SIDT2: variants seen among roughly 807,000 people sequenced by gnomAD.
The protein encoded by SIDT2 is SID1 transmembrane family member 2.
SIDT2 carries 68 observed loss-of-function variants against 114.4 expected under a neutral mutation model. The observed-to-expected ratio is 0.59, with a 90% CI of 0.49 to 0.73. SIDT2 has a LOEUF of 0.73. Ranked by LOEUF, SIDT2 falls within the 30% of genes least tolerant of loss-of-function variation. The pLI is 0.00. For synonymous variants in SIDT2, 470 were observed against 438.4 expected, an observed-to-expected ratio of 1.07 and a Z score of -0.90; for missense variants, 918 against 1,097.1, an observed-to-expected ratio of 0.84 and a Z score of 2.31.
In SIDT2 at chr11:117,192,063, C is replaced by T. The variant is rs370159292; in HGVS notation, c.1872+49C>T. 1.1e-5 allele frequency: 18 copies of T among 1,610,308 alleles called. No individual in the cohort carries two copies. The highest frequency in any genetic ancestry group is 5.3e-5 in the African/African-American group (4 of 74,810). On this transcript the variant is annotated intron_variant, in intron 19 of 25. Coordinates refer to ENST00000324225, the MANE Select transcript of SIDT2 (RefSeq NM_001040455.2). The surrounding 1 kb of genome is among the most constrained non-coding windows in gnomAD (Gnocchi z 5.9). Reference sequence around the variant, plus strand: ...CAGCCTGTATGATAGGAAAGGTGCACGTGCGTTCAGACACGTAGTGCACAC... The same window carrying T: ...CAGCCTGTATGATAGGAAAGGTGCATGTGCGTTCAGACACGTAGTGCACAC...
chr11:117,182,826 A>G lies in SIDT2; in HGVS notation c.702+20A>G, dbSNP rs528517514. The G allele has an allele frequency of 6.2e-7, 1 of 1,609,828 alleles. No homozygotes were observed. Among genetic ancestry groups the G allele is most frequent in the South Asian group, 1.1e-5 (1 of 90,442 alleles). ...GTACAGGTAGGAAATGCATGTGGCC[A>G]CGTGGGAGGTGTGGCTGGGCGATAA... On this transcript the variant is annotated intron_variant, in intron 6 of 25. Coordinates refer to ENST00000324225, the MANE Select transcript of SIDT2 (RefSeq NM_001040455.2).
At chr11:117,184,013 T>A in intron 7 of SIDT2, 61 bp from the exon 8 acceptor site, 2 of 1,590,554 alleles carry the variant, frequency 1.3e-6, no homozygotes, top group Non-Finnish European at 1.7e-6. Flanking sequence ...AAAGGCCTGA[T>A]CCCACTGACT....
Position 117,182,587 on chromosome 11 carries a change from C to G in SIDT2, c.585C>G (p.Phe195Leu). 6.2e-7 allele frequency: 1 copy of G among 1,614,272 alleles called. No individual in the cohort carries two copies. The highest frequency in any genetic ancestry group is 8.5e-7 in the Non-Finnish European group (1 of 1,180,052). Residue 195 changes from phenylalanine to leucine, a missense_variant, in exon 5 of 26, where the codon TTC becomes TTG. Around this residue, in one of 4 missense-constraint regions of SIDT2, gnomAD observed 553 missense variants for 600.1 expected, o/e 0.92. Transcript: ENST00000324225. The part of the protein sequence containing the change: ...VIVKVTSNKA[F>L]PCSVISIQDV... Reference sequence around the variant, plus strand: ...TCAAGGTGACCTCCAACAAGGCCTTCCCCTGCTCAGTCATCTCCATTCAGG... The same window carrying G: ...TCAAGGTGACCTCCAACAAGGCCTTGCCCTGCTCAGTCATCTCCATTCAGG...
Position 117,196,356 on chromosome 11 carries a change from G to T in SIDT2, c.*290G>T, listed in dbSNP as rs1463863383. 4 of 464,894 alleles carry T rather than the reference G, an allele frequency of 8.6e-6. No homozygotes were observed. The highest frequency in any genetic ancestry group is 2.0e-5 in the African/African-American group (1 of 51,264). The allele number at this position is 464,894 out of a possible 1,614,324, so 28.8% of individuals were successfully genotyped here. On this transcript the variant is annotated 3_prime_UTR_variant, in exon 26 of 26. Coordinates refer to ENST00000324225, the MANE Select transcript of SIDT2 (RefSeq NM_001040455.2). The surrounding 1 kb of genome is among the most constrained non-coding windows in gnomAD (Gnocchi z 4.9). ...GGCCTTCCATGGGCCCCTGTCCTTT[G>T]GCTCTCCATTTGTCCCTTTGCAAGA...
intron 15 of SIDT2, 118 bp downstream of exon 15, chr11:117,189,519 C>T: frequency 9.0e-7 from 1 of 1,109,088 alleles, no homozygotes; most frequent in Non-Finnish European, 1.3e-6. Context: ...GATCCCAGCT[C>T]TGCCTTCCCA....
In SIDT2 at chr11:117,188,802, C is replaced by T. The variant is rs141563752; in HGVS notation, c.1254C>T (p.Ser418=). 55 of 1,614,060 alleles carry T rather than the reference C, an allele frequency of 3.4e-5. 1 individual carries two copies. Among genetic ancestry groups the T allele is most frequent in the Middle Eastern group, 1.6e-4 (1 of 6,084 alleles). ...ACGACACATTGACCGACATCGATTC[C>T]GACAAGAATGTCATTCGCACCAAGG... ...DDYDTLTDID[S]DKNVIRTKQY... The change falls in exon 13 of 26, where the codon TCC becomes TCT. Residue 418 remains serine, a synonymous_variant. Transcript: ENST00000324225. This position sits in a 1 kb window ranked among gnomAD's most constrained non-coding sequence, Gnocchi z 4.0.
chr11:117,179,369 G>C lies in SIDT2; in HGVS notation c.106G>C (p.Glu36Gln), dbSNP rs1286145924. The C allele has an allele frequency of 1.2e-6, 2 of 1,614,184 alleles. No individual in the cohort carries two copies. The highest frequency in any genetic ancestry group is 2.2e-5 in the South Asian group (2 of 91,082). The part of the protein sequence containing the change: ...KNVSQKDAEF[E>Q]RTYVDEVNSE... ...CGTCTCGCAGAAAGACGCCGAGTTT[G>C]AGCGCACCTACGTGGACGAGGTCAA... Residue 36 changes from glutamate (E) to glutamine (Q), a missense_variant, in exon 1 of 26, where the codon GAG becomes CAG. Physicochemically the swap from Glu to Gln is conservative, Grantham distance 29. Around this residue, in one of 4 missense-constraint regions of SIDT2, gnomAD observed 553 missense variants for 600.1 expected, o/e 0.92. Coordinates refer to ENST00000324225, the MANE Select transcript of SIDT2 (RefSeq NM_001040455.2).
chr11:117,184,256 G>A, intron 8 of SIDT2, 117 bp downstream of exon 8: 2 of 996,340 alleles, frequency 2.0e-6, no homozygotes, highest in Non-Finnish European at 3.0e-6. Context: ...TGCTGGTGGG[G>A]TAGGAACGGG....
In SIDT2 at chr11:117,192,681, C is replaced by T. The variant is rs897072729; in HGVS notation, c.2058+31C>T. Reference sequence around the variant, plus strand: ...TGCCTGGTTCCCCTGCTCCATTCTCCACATCTCCTTTCTTCCCTCTGATGG... The same window carrying T: ...TGCCTGGTTCCCCTGCTCCATTCTCTACATCTCCTTTCTTCCCTCTGATGG... On this transcript the variant is annotated intron_variant, in intron 21 of 25. Coordinates refer to ENST00000324225, the MANE Select transcript of SIDT2 (RefSeq NM_001040455.2). The surrounding 1 kb of genome is among the most constrained non-coding windows in gnomAD (Gnocchi z 5.9). 2 of 1,612,846 alleles carry T rather than the reference C, an allele frequency of 1.2e-6. No individual in the cohort carries two copies. The highest frequency in any genetic ancestry group is 2.7e-5 in the African/African-American group (2 of 74,954).
Position 117,190,259 on chromosome 11 carries a change from G to T in SIDT2, c.1587G>T (p.Arg529=). 1.3e-6 allele frequency: 2 copies of T among 1,563,670 alleles called. No homozygotes were observed. The highest frequency in any genetic ancestry group is 1.7e-6 in the Non-Finnish European group (2 of 1,155,846). Residue 529 remains arginine, a synonymous_variant, in exon 17 of 26, where the codon CGG becomes CGT. Transcript: ENST00000324225. This position sits in a 1 kb window ranked among gnomAD's most constrained non-coding sequence, Gnocchi z 4.1. ...IILQREINHN[R]ALLRNDLCAL... ...TGCAACGGGAGATCAACCACAACCGGGCCCTGCTGCGCAATGACCTCTGTG... is the reference window on the plus strand; with the variant it reads ...TGCAACGGGAGATCAACCACAACCGTGCCCTGCTGCGCAATGACCTCTGTG...
At chr11:117,183,480 A>G (rs1565284944) in intron 6 of SIDT2, among the ~76,000 whole-genome samples, 1 of 150,460 alleles carries the variant, frequency 6.6e-6, no homozygotes, top group Non-Finnish European at 1.5e-5. Context: ...TCTACTAAAA[A>G]CATAAAAATT....
rs753274715 is a variant in SIDT2, at chr11:117,181,825, C to T, written c.324C>T (p.Leu108=). ...ILRGMFQRKY[L]YQKVERTLCQ... is the part of the protein sequence containing the mutation. ...GCCATAGGTTTCAGCGCAAGTACCT[C>T]TACCAAAAAGTGGAACGAACCCTGT... The change falls in exon 3 of 26, where the codon CTC becomes CTT. Residue 108 remains leucine (L), a synonymous_variant. Coordinates refer to ENST00000324225, the MANE Select transcript of SIDT2 (RefSeq NM_001040455.2). The T allele has an allele frequency of 1.5e-5, 24 of 1,614,076 alleles. No homozygotes were observed. The highest frequency in any genetic ancestry group is 3.3e-5 in the Admixed American group (2 of 60,014).
chr11:117,186,912 A>C, intron 10 of SIDT2: 1 of 1,488,618 alleles, frequency 6.7e-7, no homozygotes, highest in Non-Finnish European at 9.0e-7. Flanking sequence ...CTCTGGGATT[A>C]TTAACCTTTC....
Position 117,192,641 on chromosome 11 carries a change from G to A in SIDT2, c.2049G>A (p.Pro683=), listed in dbSNP as rs749124482. ...YTDCIRQCSG[P]LYVDRMVLLV... ...ACTGCATCCGGCAGTGCAGCGGGCC[G>A]CTCTACGTGGTACCTGCCTGGTTCC... Residue 683 remains proline, a synonymous_variant, in exon 21 of 26, where the codon CCG becomes CCA. Coordinates refer to ENST00000324225, the MANE Select transcript of SIDT2 (RefSeq NM_001040455.2). The surrounding 1 kb of genome is among the most constrained non-coding windows in gnomAD (Gnocchi z 5.9). The A allele has an allele frequency of 1.4e-5, 23 of 1,612,254 alleles. No homozygotes were observed. Among genetic ancestry groups the A allele is most frequent in the Admixed American group, 1.0e-4 (6 of 60,012 alleles).
rs778772784 is a variant in SIDT2, at chr11:117,181,458, A to G, written c.226A>G (p.Lys76Glu). The G allele has an allele frequency of 1.2e-6, 2 of 1,613,664 alleles. No individual in the cohort carries two copies. Among genetic ancestry groups the G allele is most frequent in the Non-Finnish European group, 1.7e-6 (2 of 1,179,914 alleles). ...RVSVNVLNKQ[K>E]GAPLLFVVRQ... ...GTCTGTGAACGTCCTGAACAAGCAG[A>G]AGGGGGCGCCGTTGCTGTTTGTGGT... Residue 76 changes from lysine to glutamate, a missense_variant, in exon 2 of 26, where the codon AAG (lysine) becomes GAG (glutamate). Coordinates refer to ENST00000324225, the MANE Select transcript of SIDT2 (RefSeq NM_001040455.2).
intron 13 of SIDT2, 43 bp from the exon 14 acceptor site, chr11:117,189,126 T>C: frequency 1.3e-6 from 2 of 1,599,378 alleles, no homozygotes; most frequent in Non-Finnish European, 1.7e-6. Context: ...AGGGGGCTTC[T>C]CCCAAGTAGC....
At position 117,192,325 on chromosome 11, in the gene SIDT2, C is replaced by T; in HGVS notation, c.1944C>T (p.Leu648=). 1.9e-6 allele frequency: 3 copies of T among 1,610,746 alleles called. No individual in the cohort carries two copies. Among genetic ancestry groups the T allele is most frequent in the Non-Finnish European group, 1.7e-6 (2 of 1,177,094 alleles). Reference sequence around the variant, plus strand: ...TTCACATCATCGCCACCCTGCTCCTCAGCACGCAGCTCTATTACATGGGCC... The same window carrying T: ...TTCACATCATCGCCACCCTGCTCCTTAGCACGCAGCTCTATTACATGGGCC... ...SIIHIIATLL[L]STQLYYMGRW... The change falls in exon 20 of 26, where the codon CTC becomes CTT. Residue 648 remains leucine (L), a synonymous_variant. Transcript: ENST00000324225. The surrounding 1 kb of genome is among the most constrained non-coding windows in gnomAD (Gnocchi z 5.9).
At chr11:117,187,847 C>T in intron 12 of SIDT2, 148 bp downstream of exon 12, 1 of 770,834 alleles carries the variant, frequency 1.3e-6, no homozygotes, top group Non-Finnish European at 2.2e-6. Context: ...CTCATCCCCT[C>T]CTCCTTGGCC....
rs372304087 is a variant in SIDT2, at chr11:117,193,268, G to A, written c.2211+10G>A. On this transcript the variant is annotated intron_variant, in intron 23 of 25. Transcript: ENST00000324225. ...CTACATCATCATGAAGGTGAGTGGGGCTGGCCAAGCCCCCTCTGTCAGCTG... is the reference window on the plus strand; with the variant it reads ...CTACATCATCATGAAGGTGAGTGGGACTGGCCAAGCCCCCTCTGTCAGCTG... 1.5e-5 allele frequency: 24 copies of A among 1,607,312 alleles called. No individual in the cohort carries two copies. Among genetic ancestry groups the A allele is most frequent in the Non-Finnish European group, 1.7e-5 (20 of 1,175,006 alleles).
Sources: gnomAD v4.1 joint callset for allele counts (sites outside exome capture counted in the v4.1 genomes callset) on GRCh38, gnomAD v4.1.1 for gene constraint, gnomAD v4.1.1 regional missense constraint, Gnocchi (gnomAD v3.1) non-coding constraint, MANE v1.5 for transcripts, NCBI Gene and HGNC (gene_info 2026-07-23, HGNC 2026-07-21) for gene names.